Variants in DCC observed in about 807,000 individuals in gnomAD.
The protein encoded by DCC is DCC netrin 1 receptor.
DCC carries 58 observed loss-of-function variants against 172.5 expected under a neutral mutation model. That is an observed-to-expected ratio of 0.34 (90% CI 0.27 to 0.42). The LOEUF is 0.42. DCC is among the 10% of genes least tolerant of loss of function. The pLI is 1.00. For synonymous variants in DCC, 709 were observed against 644.5 expected (o/e 1.10, Z -1.52); for missense variants, 1,740 against 1,791.0 (o/e 0.97, Z 0.51).
At chr18:53,018,954 G>A (rs569120572) in intron 5 of DCC, among the ~76,000 whole-genome samples, 1 of 152,054 alleles carries the variant, frequency 6.6e-6, no homozygotes, top group South Asian at 2.1e-4. Flanking sequence ...TTCCTTAAGA[G>A]CATTAAAACA....
intron 2 of DCC, among the ~76,000 whole-genome samples, chr18:52,811,289 G>A (rs889954947): frequency 2.0e-5 from 3 of 151,882 alleles, no homozygotes; most frequent in African/African-American, 7.3e-5. Context: ...CACTTTTGGT[G>A]GTATTATGTA....
intron 14 of DCC, among the ~76,000 whole-genome samples, chr18:53,335,873 A>G (rs2057585896): frequency 6.6e-6 from 1 of 151,028 alleles, no homozygotes; most frequent in African/African-American, 2.4e-5. Context: ...CAGACAAGAG[A>G]AGAGAACTTG....
At chr18:52,784,730 C>T (rs2037619840) in intron 2 of DCC, among the ~76,000 whole-genome samples, 1 of 151,948 alleles carries the variant, frequency 6.6e-6, no homozygotes, top group South Asian at 2.1e-4. Context: ...AATGTCTATT[C>T]AGATCGTTTA....
intron 8 of DCC, among the ~76,000 whole-genome samples, chr18:53,171,776 G>A (rs1460282465): frequency 6.6e-6 from 1 of 151,606 alleles, no homozygotes; most frequent in East Asian, 1.9e-4. Flanking sequence ...TGAAAAAACT[G>A]CTCAACATCA....
chr18:53,066,961 C>G (rs2042579944), intron 7 of DCC, among the ~76,000 whole-genome samples: 1 of 151,920 alleles, frequency 6.6e-6, no homozygotes, highest in South Asian at 2.1e-4. Context: ...GTGCTACACA[C>G]TTTTAAACAA....
At chr18:52,418,363 C>G (rs1178919024) in intron 1 of DCC, among the ~76,000 whole-genome samples, 1 of 152,062 alleles carries the variant, frequency 6.6e-6, no homozygotes, top group East Asian at 1.9e-4. Context: ...TGAAAATGGC[C>G]TCTGTAGGCA....
rs1348215570 is a variant in DCC at position 53,464,564 on chromosome 18, G to GA, written c.3620-3324dup. Reference sequence around the variant, plus strand: ...TTTTATGCTTCAAAAAAAGTAAAAGGAAAAAATCTTGTTTAACTTTTCAAT... The same window carrying GA: ...TTTTATGCTTCAAAAAAAGTAAAAGGAAAAAAATCTTGTTTAACTTTTCAAT... On this transcript the variant is annotated intron_variant, in intron 24 of 28. Coordinates refer to ENST00000442544, the MANE Select transcript of DCC (RefSeq NM_005215.4). Among the ~76,000 whole-genome samples, 3 of 151,604 alleles carry GA rather than the reference G, an allele frequency of 2.0e-5. No individual in the cohort carries two copies. In the East Asian group the frequency reaches 5.8e-4, roughly 29 times the overall value.
At chr18:52,639,467 A>ACTG (rs2034848276) in intron 1 of DCC, among the ~76,000 whole-genome samples, 1 of 152,186 alleles carries the variant, frequency 6.6e-6, no homozygotes, top group Non-Finnish European at 1.5e-5. Context: ...TGAGAAATAA[A>ACTG]ACAGGAGATA....
At chr18:52,866,484 A>T (rs1240636269) in intron 2 of DCC, among the ~76,000 whole-genome samples, 2 of 152,096 alleles carry the variant, frequency 1.3e-5, no homozygotes, top group Non-Finnish European at 2.9e-5. Context: ...TTTGGGCAGT[A>T]TGGCCATTTT....
intron 1 of DCC, among the ~76,000 whole-genome samples, chr18:52,748,164 C>T (rs1011619139): frequency 2.0e-5 from 3 of 152,176 alleles, no homozygotes; most frequent in African/African-American, 7.2e-5. Flanking sequence ...TGCTGCAGTG[C>T]GGCAGGCAGC....
chr18:52,533,986 C>T (rs1330547622), intron 1 of DCC, among the ~76,000 whole-genome samples: 4 of 152,032 alleles, frequency 2.6e-5, no homozygotes, highest in Non-Finnish European at 5.9e-5. Context: ...GCTTATTTCA[C>T]CTAGCACAAC....
chr18:53,156,487 A>G (rs78781337), intron 7 of DCC, among the ~76,000 whole-genome samples: 1 of 119,742 alleles, frequency 8.4e-6, no homozygotes, highest in South Asian at 2.8e-4. Context: ...CATCTCAACC[A>G]AAAAAAAAAA....
At chr18:53,432,087 C>T (rs62098291) in intron 21 of DCC, among the ~76,000 whole-genome samples, 65,702 of 151,868 alleles carry the variant, frequency 0.43, 15,983 homozygotes, top group Non-Finnish European at 0.56. Flanking sequence ...GAAAATAAAA[C>T]ATTTTTATTT....
At chr18:52,554,943 T>C (rs563982646) in intron 1 of DCC, among the ~76,000 whole-genome samples, 1 of 151,986 alleles carries the variant, frequency 6.6e-6, no homozygotes, top group Non-Finnish European at 1.5e-5. Flanking sequence ...TTAGGGTGAA[T>C]GAATGAAAGA....
chr18:53,391,766 C>T lies in DCC; in HGVS notation c.2567C>T (p.Thr856Ile). The change falls in exon 17 of 29, where the codon ACC becomes ATC. Residue 856 changes from threonine (T) to isoleucine (I), a missense_variant. Physicochemically the swap from Thr to Ile is moderately conservative, Grantham distance 89 (BLOSUM62 -1). This residue lies in a region of DCC where 1,732 missense variants were observed against 1,767.4 expected (regional missense o/e 0.98). Coordinates refer to ENST00000442544, the MANE Select transcript of DCC (RefSeq NM_005215.4). ...GTAGGTGTACAGGCTGTGGCTCTTA[C>T]CCATGATGCTGTGAGGGTCAGCTGG... ...PPVGVQAVAL[T>I]HDAVRVSWAD... 2 of 1,613,958 alleles carry T rather than the reference C, an allele frequency of 1.2e-6. No individual in the cohort carries two copies. The highest frequency in any genetic ancestry group is 1.7e-6 in the Non-Finnish European group (2 of 1,179,854).
intron 5 of DCC, among the ~76,000 whole-genome samples, chr18:52,985,066 C>T (rs547220707): frequency 1.3e-5 from 2 of 151,694 alleles, no homozygotes; most frequent in East Asian, 3.9e-4. Flanking sequence ...CATTTTTTCC[C>T]TTGGAGCTCT....
At chr18:52,861,931 A>C (rs1159096590) in intron 2 of DCC, among the ~76,000 whole-genome samples, 3 of 152,128 alleles carry the variant, frequency 2.0e-5, no homozygotes, top group African/African-American at 7.2e-5. Context: ...TTAAAGCAAT[A>C]ATTTTCTGTG....
rs572309978 is a variant in DCC at position 53,437,751 on chromosome 18, A to G, written c.3229+2542A>G. On this transcript the variant is annotated intron_variant, in intron 22 of 28. Transcript: ENST00000442544. The stretch of plus-strand genomic sequence containing the variant: ...AGCTCACTCTCGTGCTCCAAATTTT[A>G]TCTTAAATTTCAACAATAAGCCAAA... Among the ~76,000 whole-genome samples the G allele has an allele frequency of 2.0e-5, 3 of 152,268 alleles. No homozygotes were observed. The South Asian group carries it at 6.2e-4, about 32-fold the overall frequency.
chr18:53,090,027 C>T (rs1188935139), intron 7 of DCC, among the ~76,000 whole-genome samples: 1 of 152,188 alleles, frequency 6.6e-6, no homozygotes, highest in Non-Finnish European at 1.5e-5. Flanking sequence ...CCACTCCCCT[C>T]GCTATTTGGC....
Sources: allele counts gnomAD v4.1 joint callset (sites outside exome capture counted in the v4.1 genomes callset), GRCh38; gene constraint gnomAD v4.1.1; regional missense constraint gnomAD v4.1.1; transcripts MANE v1.5; gene names NCBI Gene and HGNC (gene_info 2026-07-23, HGNC 2026-07-21).